TMEM165: variants seen among roughly 807,000 people sequenced by gnomAD.
TMEM165 encodes putative divalent cation/proton antiporter TMEM165.
A neutral mutation model predicts 30.0 loss-of-function variants in TMEM165; 19 were observed. The observed-to-expected ratio is 0.63, with a 90% confidence interval of 0.44 to 0.93. The LOEUF (loss-of-function observed/expected upper bound fraction) is 0.93, where lower values mean the gene tolerates loss of function less well. Ranked by LOEUF, TMEM165 falls within the 40% of genes least tolerant of loss-of-function variation. The pLI is 0.00. For missense variants in TMEM165, 340 were observed against 417.0 expected, an observed-to-expected ratio of 0.82 and a Z score of 1.61; for synonymous variants, 168 against 162.9, an observed-to-expected ratio of 1.03 and a Z score of -0.24.
At chr4:55,435,309 A>G in intron 3 of TMEM165, 1 of 1,307,812 alleles carries the variant, frequency 7.6e-7, no homozygotes, top group Non-Finnish European at 1.1e-6. Flanking sequence ...TCAATACTGC[A>G]TCTCATGAAA....
chr4:55,413,518 G>A (rs1721599897), intron 2 of TMEM165, among the ~76,000 whole-genome samples: 1 of 152,180 alleles, frequency 6.6e-6, no homozygotes, highest in Admixed American at 6.5e-5. Flanking sequence ...GTTTTACCAT[G>A]TTGGCCAGGC....
chr4:55,435,960 C>T (rs550388938), intron 3 of TMEM165, among the ~76,000 whole-genome samples: 1 of 152,230 alleles, frequency 6.6e-6, no homozygotes, highest in African/African-American at 2.4e-5. Context: ...TACTCTGAGG[C>T]CAGACAGACA....
chr4:55,405,754 G>T (rs1204740592), intron 1 of TMEM165, among the ~76,000 whole-genome samples: 1 of 152,036 alleles, frequency 6.6e-6, no homozygotes, highest in Non-Finnish European at 1.5e-5. Flanking sequence ...GATTGATCCA[G>T]TGGCTGATAC....
chr4:55,406,280 T>C (rs1721263835), intron 1 of TMEM165, among the ~76,000 whole-genome samples: 1 of 152,242 alleles, frequency 6.6e-6, no homozygotes, highest in Non-Finnish European at 1.5e-5. Flanking sequence ...TTTGAAATGG[T>C]ACATAGCATG....
At chr4:55,424,749 T>G in intron 5 of TMEM165, 106 bp downstream of exon 5, 1 of 749,230 alleles carries the variant, frequency 1.3e-6, no homozygotes, top group Non-Finnish European at 2.2e-6. Flanking sequence ...ATACTTGGTT[T>G]TTCTAATTAC....
intron 1 of TMEM165, chr4:55,403,246 T>G (rs1291486365): frequency 1.6e-6 from 2 of 1,288,716 alleles, no homozygotes; most frequent in Non-Finnish European, 2.0e-6. Flanking sequence ...GGACATCAGT[T>G]TTTTTCTTGG....
chr4:55,396,925 G>A (rs1720751337), intron 1 of TMEM165, among the ~76,000 whole-genome samples: 1 of 152,148 alleles, frequency 6.6e-6, no homozygotes, highest in African/African-American at 2.4e-5. Context: ...TAGCCTTTAG[G>A]AACGCAGAGG....
intron 3 of TMEM165, among the ~76,000 whole-genome samples, chr4:55,446,101 C>CTTCTTTTT (rs1553890777): frequency 9.3e-6 from 1 of 107,372 alleles, no homozygotes; most frequent in Non-Finnish European, 1.9e-5. Context: ...AATTTAACTT[C>CTTCTTTTT]TTTTTTTTTT....
At chr4:55,444,902 T>TC in intron 3 of TMEM165, 2 of 1,026,624 alleles carry the variant, frequency 1.9e-6, no homozygotes, top group Non-Finnish European at 2.9e-6. Context: ...CATCCTTCAC[T>TC]AGTTATGTCC....
chr4:55,446,155 G>A (rs1345856425), intron 3 of TMEM165, among the ~76,000 whole-genome samples: 2 of 141,838 alleles, frequency 1.4e-5, no homozygotes, highest in Non-Finnish European at 3.0e-5. Context: ...ATGCAGTGGT[G>A]TGATCACAGC....
chr4:55,441,874 C>A (rs930750211), intron 3 of TMEM165, among the ~76,000 whole-genome samples: 3 of 152,180 alleles, frequency 2.0e-5, no homozygotes, highest in African/African-American at 7.2e-5. Context: ...CACTCAAGCA[C>A]TGAAATGAAG....
intron 3 of TMEM165, among the ~76,000 whole-genome samples, chr4:55,439,838 T>C (rs62303690): frequency 0.16 from 24,353 of 151,992 alleles, 2,518 homozygotes; most frequent in Non-Finnish European, 0.21. Context: ...AGAATGGTGG[T>C]TGGGGAGAGA....
chr4:55,450,768 CAA>C (rs34192457), intron 3 of TMEM165, among the ~76,000 whole-genome samples: 20 of 142,148 alleles, frequency 1.4e-4, no homozygotes, highest in Admixed American at 2.8e-4. Flanking sequence ...GACTCCATCT[CAA>C]AAAAAAAAAA....
intron 3 of TMEM165, chr4:55,444,917 G>GTTTCTA (rs1344906395): frequency 2.2e-6 from 2 of 917,708 alleles, no homozygotes; most frequent in African/African-American, 3.3e-5. Flanking sequence ...ATGTCCCTTA[G>GTTTCTA]TTTCTAATCC....
At chr4:55,445,582 CTTTTTTTTTTTTTTTT>C (rs56157186) in intron 3 of TMEM165, among the ~76,000 whole-genome samples, 1 of 68,574 alleles carries the variant, frequency 1.5e-5, no homozygotes, top group Non-Finnish European at 2.7e-5. Flanking sequence ...TTTCTATATT[CTTTTTTTTTTTTTTTT>C]TTTTTTTTTT....
intron 1 of TMEM165, among the ~76,000 whole-genome samples, chr4:55,402,452 T>A (rs1721059905): frequency 1.1e-5 from 1 of 95,088 alleles, no homozygotes; most frequent in Non-Finnish European, 2.0e-5. Context: ...TTTTTTTTTT[T>A]TTTTTTTTTT....
chr4:55,434,213 T>C (rs1418635365), intron 3 of TMEM165: 17 of 152,610 alleles, frequency 1.1e-4, no homozygotes, highest in Admixed American at 1.1e-3. Context: ...CAAGGCACTA[T>C]GGGGTTTTTT....
chr4:55,444,119 T>C (rs942384642), intron 3 of TMEM165, among the ~76,000 whole-genome samples: 2 of 152,222 alleles, frequency 1.3e-5, no homozygotes, highest in Non-Finnish European at 2.9e-5. Flanking sequence ...GTGTAACTAG[T>C]GTTAGTCTGT....
chr4:55,444,867 GTATAACATGAGTGAAGGAT>G, intron 3 of TMEM165: 1 of 1,398,004 alleles, frequency 7.2e-7, no homozygotes, highest in Non-Finnish European at 9.9e-7. Flanking sequence ...AAAGTAAGCA[GTATAACATGAGTGAAGGAT>G]GATAACATCC....
Sources: gnomAD v4.1 joint callset for allele counts (sites outside exome capture counted in the v4.1 genomes callset) on GRCh38, gnomAD v4.1.1 for gene constraint, MANE v1.5 for transcripts, NCBI Gene and HGNC (gene_info 2026-07-23, HGNC 2026-07-21) for gene names.